The following IGF1R variants were observed in gnomAD, a reference collection of about 807,000 sequenced individuals.
The protein encoded by IGF1R is insulin like growth factor 1 receptor.
Under a neutral mutation model 144.6 loss-of-function variants are expected in IGF1R, and 44 were observed. That is an observed-to-expected ratio of 0.30 (90% CI 0.24 to 0.39). IGF1R has a LOEUF of 0.39. Among genes scored for constraint, IGF1R ranks in the 10% least tolerant of loss-of-function variants. IGF1R has a pLI of 1.00. For synonymous variants in IGF1R, 795 were observed against 722.8 expected (o/e 1.10, Z -1.60); for missense variants, 1,355 against 1,833.7 (o/e 0.74, Z 4.77).
At chr15:98,667,947 G>C in intron 1 of IGF1R, among the ~76,000 whole-genome samples, 1 of 152,018 alleles carries the variant, frequency 6.6e-6, no homozygotes, top group East Asian at 1.9e-4. Flanking sequence ...GTTCTCTTAC[G>C]GGGCTGTATG....
At chr15:98,655,816 T>A (rs1220496233) in intron 1 of IGF1R, among the ~76,000 whole-genome samples, 1 of 151,648 alleles carries the variant, frequency 6.6e-6, no homozygotes, top group Non-Finnish European at 1.5e-5. Flanking sequence ...CCTCCCAGGC[T>A]CCAGTGATCC....
chr15:98,959,581 G>A lies in IGF1R; in HGVS notation c.*2139G>A. On this transcript the variant is annotated 3_prime_UTR_variant, in exon 21 of 21. Coordinates refer to ENST00000650285, the MANE Select transcript of IGF1R (RefSeq NM_000875.5). ...TTCTTGCTGGGGGACCAGGGCTGTG[G>A]TGCTGGCCCACTTTCCCTCGGCCAG... The A allele has an allele frequency of 4.3e-6, 1 of 233,622 alleles. No homozygotes were observed. The highest frequency in any genetic ancestry group is 2.2e-5 in the African/African-American group (1 of 45,480). The allele number at this position is 233,622 out of a possible 1,614,324, so 14.5% of individuals were successfully genotyped here.
chr15:98,650,930 C>T (rs1202511209), intron 1 of IGF1R: 41 of 984,994 alleles, frequency 4.2e-5, no homozygotes, highest in Non-Finnish European at 4.9e-5. Flanking sequence ...GAACTCCCCC[C>T]GGTGTCTACG....
chr15:98,815,109 C>T (rs1235317117), intron 2 of IGF1R, among the ~76,000 whole-genome samples: 1 of 152,120 alleles, frequency 6.6e-6, no homozygotes, highest in Non-Finnish European at 1.5e-5. Context: ...GACATAAAAA[C>T]AGGAATATTT....
intron 2 of IGF1R, among the ~76,000 whole-genome samples, chr15:98,810,856 A>ATT (rs113005359): frequency 0.035 from 5,296 of 151,392 alleles, 318 homozygotes; most frequent in African/African-American, 0.12. Flanking sequence ...CCTCTAAATG[A>ATT]TTTTCTTAAG....
intron 1 of IGF1R, among the ~76,000 whole-genome samples, chr15:98,685,548 G>T (rs990309199): frequency 5.3e-5 from 8 of 152,188 alleles, no homozygotes; most frequent in African/African-American, 1.7e-4. Context: ...CTCTTCCTCT[G>T]TGTCCCTTCG....
intron 2 of IGF1R, among the ~76,000 whole-genome samples, chr15:98,793,240 T>C (rs2056165985): frequency 6.6e-6 from 1 of 152,218 alleles, no homozygotes; most frequent in Non-Finnish European, 1.5e-5. Context: ...GATGTGAAAA[T>C]TAGCAAATAG....
chr15:98,913,501 TG>T (rs2015114655), intron 8 of IGF1R, among the ~76,000 whole-genome samples: 1 of 152,250 alleles, frequency 6.6e-6, no homozygotes, highest in Non-Finnish European at 1.5e-5. Flanking sequence ...TCTCCTGCTT[TG>T]TGCCTGTGAG....
intron 2 of IGF1R, among the ~76,000 whole-genome samples, chr15:98,709,369 C>T (rs2053939989): frequency 6.6e-6 from 1 of 152,306 alleles, no homozygotes; most frequent in South Asian, 2.1e-4. Context: ...AGAATTGGAT[C>T]AGTGCGTATG....
At chr15:98,869,335 C>T (rs1358715444) in intron 2 of IGF1R, among the ~76,000 whole-genome samples, 2 of 150,760 alleles carry the variant, frequency 1.3e-5, no homozygotes, top group East Asian at 1.9e-4. Flanking sequence ...CACCACATAC[C>T]GCATGGGTAT....
chr15:98,757,947 A>G (rs1203479725), intron 2 of IGF1R, among the ~76,000 whole-genome samples: 1 of 152,200 alleles, frequency 6.6e-6, no homozygotes, highest in Non-Finnish European at 1.5e-5. Context: ...GTGCCTAACA[A>G]TTTGAAAATC....
At chr15:98,838,912 G>C (rs549773137) in intron 2 of IGF1R, among the ~76,000 whole-genome samples, 4 of 152,238 alleles carry the variant, frequency 2.6e-5, no homozygotes, top group Admixed American at 2.6e-4. Context: ...TGGGGATCCT[G>C]CTTTTGCTGG....
chr15:98,913,181 A>G lies in IGF1R; in HGVS notation c.1727A>G (p.Gln576Arg), dbSNP rs745481775. 1 of 1,614,138 alleles carries G rather than the reference A, an allele frequency of 6.2e-7. No individual in the cohort carries two copies. The highest frequency in any genetic ancestry group is 1.3e-5 in the African/African-American group (1 of 74,954). The change falls in exon 8 of 21, where the codon CAG (glutamine) becomes CGG (arginine). Residue 576 changes from glutamine (Q) to arginine (R), a missense_variant. Coordinates refer to ENST00000650285, the MANE Select transcript of IGF1R (RefSeq NM_000875.5). Reference sequence around the variant, plus strand: ...CTACATGGGCTGAAGCCCTGGACTCAGTACGCCGTTTACGTCAAGGCTGTG... The same window carrying G: ...CTACATGGGCTGAAGCCCTGGACTCGGTACGCCGTTTACGTCAAGGCTGTG... ...ILLHGLKPWT[Q>R]YAVYVKAVTL...
rs574992089 is a variant in IGF1R, at chr15:98,766,073, G to T, written c.640+57966G>T. ...GCAGGGCTTGGAGGCAGCCTGTCAT[G>T]GGGAAGGGTGTGGATGAAGGGTGAG... On this transcript the variant is annotated intron_variant, in intron 2 of 20. Coordinates refer to ENST00000650285, the MANE Select transcript of IGF1R (RefSeq NM_000875.5). Among the ~76,000 whole-genome samples the T allele has an allele frequency of 3.9e-5, 6 of 152,302 alleles. No homozygotes were observed. In the South Asian group the frequency reaches 1.2e-3, roughly 32 times the overall value.
rs1469969558 is a variant in IGF1R, at chr15:98,958,582, ACTT to A, written c.*1145_*1147del. Reference sequence around the variant, plus strand: ...TGTTGACATTTTCTCTGTTCCTAGGACTTCTTCATGGGTCTTACAGTTCTATGT... The same window carrying A: ...TGTTGACATTTTCTCTGTTCCTAGGACTTCATGGGTCTTACAGTTCTATGT... On this transcript the variant is annotated 3_prime_UTR_variant, in exon 21 of 21. Transcript: ENST00000650285. 6 of 232,760 alleles carry A rather than the reference ACTT, an allele frequency of 2.6e-5. No homozygotes were observed. Among genetic ancestry groups the A allele is most frequent in the East Asian group, 6.1e-5 (1 of 16,508 alleles). 14.4% of individuals were successfully genotyped at this position (232,760 alleles called of 1,614,324 possible).
intron 2 of IGF1R, among the ~76,000 whole-genome samples, chr15:98,741,447 T>G (rs910630718): frequency 4.6e-5 from 7 of 152,064 alleles, no homozygotes; most frequent in African/African-American, 1.7e-4. Flanking sequence ...CTTCAGCAGG[T>G]AGTGGGAGGC....
At chr15:98,712,167 C>G (rs982122480) in intron 2 of IGF1R, among the ~76,000 whole-genome samples, 2 of 152,168 alleles carry the variant, frequency 1.3e-5, no homozygotes, top group Non-Finnish European at 2.9e-5. Flanking sequence ...ATCTCATCCA[C>G]TGGTAACTGC....
rs2014433212 is a variant in IGF1R, at chr15:98,900,615, ATCCTTGAAAAGCACAGTGTCC to A, written c.1247+998_1247+1018del. 2 of 152,236 alleles carry A rather than the reference ATCCTTGAAAAGCACAGTGTCC, an allele frequency of 1.3e-5. 1 individual carries two copies. The highest frequency in any genetic ancestry group is 1.3e-4 in the Admixed American group (2 of 15,282). The allele number at this position is 152,236 out of a possible 1,614,324, so 9.4% of individuals were successfully genotyped here. On this transcript the variant is annotated intron_variant, in intron 5 of 20. Coordinates refer to ENST00000650285, the MANE Select transcript of IGF1R (RefSeq NM_000875.5). ...ACGAGAGCGGGCAGCTCTTCATTCC[ATCCTTGAAAAGCACAGTGTCC>A]TCCCCACTGGGGAACACCAATCCTT...
At chr15:98,808,141 C>T (rs985838626) in intron 2 of IGF1R, among the ~76,000 whole-genome samples, 1 of 152,076 alleles carries the variant, frequency 6.6e-6, no homozygotes, top group African/African-American at 2.4e-5. Context: ...AGGGTATTCT[C>T]CTTGAGGAGC....
Sources: allele counts gnomAD v4.1 joint callset (sites outside exome capture counted in the v4.1 genomes callset), GRCh38; gene constraint gnomAD v4.1.1; transcripts MANE v1.5; gene names NCBI Gene and HGNC (gene_info 2026-07-23, HGNC 2026-07-21).